NALF1: variants seen among roughly 807,000 people sequenced by gnomAD.
The protein encoded by NALF1 is family with sequence similarity 155 member A.
A neutral mutation model predicts 48.4 loss-of-function variants in NALF1; 3 were observed. The observed-to-expected ratio is 0.06, with a 90% CI of 0.03 to 0.16. The LOEUF is 0.16. Among genes scored for constraint, NALF1 ranks in the 10% least tolerant of loss-of-function variants. The pLI is 1.00. For missense variants in NALF1, 526 were observed against 571.5 expected, an observed-to-expected ratio of 0.92 and a Z score of 0.81; for synonymous variants, 262 against 245.7, an observed-to-expected ratio of 1.07 and a Z score of -0.62.
At chr13:107,642,223 G>A (rs1243420736) in intron 1 of NALF1, among the ~76,000 whole-genome samples, 3 of 152,122 alleles carry the variant, frequency 2.0e-5, no homozygotes, top group African/African-American at 7.2e-5. Flanking sequence ...ATAATTCATG[G>A]AATTACATTT....
rs1367799387 is a variant in NALF1 at position 107,170,381 on chromosome 13, A to G, written c.*116T>C. 1 of 947,278 alleles carries G rather than the reference A, an allele frequency of 1.1e-6. No individual in the cohort carries two copies. Among genetic ancestry groups the G allele is most frequent in the Non-Finnish European group, 1.6e-6 (1 of 638,596 alleles). 58.7% of individuals were successfully genotyped at this position (947,278 alleles called of 1,614,324 possible). A position where few individuals can be genotyped will look rare whatever the true frequency, so the allele number is the denominator to read the frequency against. On this transcript the variant is annotated 3_prime_UTR_variant, in exon 3 of 3. Transcript: ENST00000375915. Reference sequence around the variant, plus strand: ...GGCCCATCTGTTTAAATTTTACCCTAAAGGCCTTGCAATAAGTAATTCGAG... The same window carrying G: ...GGCCCATCTGTTTAAATTTTACCCTGAAGGCCTTGCAATAAGTAATTCGAG...
chr13:107,651,288 G>C (rs1055352671), intron 1 of NALF1, among the ~76,000 whole-genome samples: 5 of 152,194 alleles, frequency 3.3e-5, no homozygotes, highest in African/African-American at 1.2e-4. Context: ...GCAATAGTCA[G>C]GAAGCAATGA....
intron 1 of NALF1, among the ~76,000 whole-genome samples, chr13:107,398,995 G>A (rs537128774): frequency 7.9e-5 from 12 of 152,218 alleles, no homozygotes; most frequent in Admixed American, 4.6e-4. Context: ...TTCATTCTCC[G>A]GCCTGATGAC....
intron 1 of NALF1, among the ~76,000 whole-genome samples, chr13:107,288,094 T>C (rs1594105347): frequency 6.6e-6 from 1 of 152,186 alleles, no homozygotes; most frequent in East Asian, 1.9e-4. Context: ...TATTAAAAAT[T>C]TCCTGCTATA....
At chr13:107,359,317 C>T (rs759491569) in intron 1 of NALF1, among the ~76,000 whole-genome samples, 19 of 152,016 alleles carry the variant, frequency 1.2e-4, no homozygotes, top group Non-Finnish European at 2.8e-4. Flanking sequence ...TTGTGTCTGC[C>T]ATGTCTTTTT....
At chr13:107,194,056 C>A (rs9558973) in intron 2 of NALF1, among the ~76,000 whole-genome samples, 5,647 of 83,428 alleles carry the variant, frequency 0.068, 131 homozygotes, top group East Asian at 0.19. Flanking sequence ...ATCTATCTAT[C>A]TATATATCAA....
chr13:107,218,023 C>T (rs148887861), intron 1 of NALF1, among the ~76,000 whole-genome samples: 211 of 152,280 alleles, frequency 1.4e-3, no homozygotes, highest in Middle Eastern at 0.014. Flanking sequence ...AGCTCTGCGA[C>T]CTTGCCCTGC....
intron 1 of NALF1, among the ~76,000 whole-genome samples, chr13:107,604,522 T>C (rs1879013308): frequency 1.3e-5 from 2 of 152,288 alleles, no homozygotes; most frequent in Non-Finnish European, 1.5e-5. Context: ...CAGAAAAGTA[T>C]AGGATGCATT....
intron 1 of NALF1, among the ~76,000 whole-genome samples, chr13:107,759,463 T>A (rs1361282265): frequency 6.6e-6 from 1 of 152,136 alleles, no homozygotes; most frequent in Admixed American, 6.5e-5. Context: ...CCACCTCGCC[T>A]TCCCACAGTG....
intron 1 of NALF1, among the ~76,000 whole-genome samples, chr13:107,462,917 T>A (rs898253298): frequency 6.6e-6 from 1 of 152,228 alleles, no homozygotes; most frequent in Admixed American, 6.5e-5. Context: ...ACCACAATCA[T>A]CAGCAGCATA....
chr13:107,170,245 T>A lies in NALF1; in HGVS notation c.*252A>T. Reference sequence around the variant, plus strand: ...AAACCCAAACCAAAACGAAAGCAAATAAAACCTCCAAACATTAAAACACAG... The same window carrying A: ...AAACCCAAACCAAAACGAAAGCAAAAAAAACCTCCAAACATTAAAACACAG... On this transcript the variant is annotated 3_prime_UTR_variant, in exon 3 of 3. Transcript: ENST00000375915. The A allele has an allele frequency of 5.2e-6, 2 of 388,108 alleles. No homozygotes were observed. The highest frequency in any genetic ancestry group is 7.1e-5 in the South Asian group (1 of 14,032). The allele number at this position is 388,108 out of a possible 1,614,324, so 24.0% of individuals were successfully genotyped here.
At chr13:107,377,427 C>A (rs1883357730) in intron 1 of NALF1, among the ~76,000 whole-genome samples, 1 of 152,130 alleles carries the variant, frequency 6.6e-6, no homozygotes, top group Non-Finnish European at 1.5e-5. Flanking sequence ...CATGGAGAAT[C>A]TAAAAGAATG....
intron 1 of NALF1, among the ~76,000 whole-genome samples, chr13:107,817,716 T>C (rs192114250): frequency 4.3e-4 from 65 of 152,330 alleles, no homozygotes; most frequent in Non-Finnish European, 8.8e-4. Context: ...AAATGATTTA[T>C]TTCACCCTTT....
chr13:107,735,310 G>A (rs1187961307), intron 1 of NALF1, among the ~76,000 whole-genome samples: 2 of 152,188 alleles, frequency 1.3e-5, no homozygotes, highest in Admixed American at 6.5e-5. Flanking sequence ...ACTAAATGAC[G>A]AGTATTTCCA....
At chr13:107,646,873 CT>C (rs1326905503) in intron 1 of NALF1, among the ~76,000 whole-genome samples, 1 of 151,860 alleles carries the variant, frequency 6.6e-6, no homozygotes, top group Non-Finnish European at 1.5e-5. Flanking sequence ...TATGGTGATT[CT>C]TTTTTATTTT....
At chr13:107,695,773 A>T (rs539886635) in intron 1 of NALF1, among the ~76,000 whole-genome samples, 82 of 152,346 alleles carry the variant, frequency 5.4e-4, no homozygotes, top group African/African-American at 1.9e-3. Context: ...ACAATTAAGC[A>T]CACCTTTATC....
intron 1 of NALF1, among the ~76,000 whole-genome samples, chr13:107,664,964 G>A (rs1207461439): frequency 8.6e-6 from 1 of 116,324 alleles, no homozygotes; most frequent in African/African-American, 3.9e-5. Context: ...TAATAATGAT[G>A]GGAAAGTGAA....
At chr13:107,568,135 G>A (rs9514702) in intron 1 of NALF1, among the ~76,000 whole-genome samples, 52,119 of 151,800 alleles carry the variant, frequency 0.34, 10,129 homozygotes, top group Non-Finnish European at 0.45. Context: ...GCACCACCAT[G>A]CCTGGCTAAT....
chr13:107,761,307 A>G (rs147736228), intron 1 of NALF1, among the ~76,000 whole-genome samples: 1 of 152,044 alleles, frequency 6.6e-6, no homozygotes, highest in Non-Finnish European at 1.5e-5. Flanking sequence ...CAGCGTGCTG[A>G]GATCGCGCCA....
Sources: allele counts gnomAD v4.1 joint callset (sites outside exome capture counted in the v4.1 genomes callset), GRCh38; gene constraint gnomAD v4.1.1; transcripts MANE v1.5; gene names NCBI Gene and HGNC (gene_info 2026-07-23, HGNC 2026-07-21).